SWT1: variants seen among roughly 807,000 people sequenced by gnomAD.
SWT1 encodes the protein transcriptional protein SWT1.
SWT1 carries 33 observed loss-of-function variants against 107.3 expected under a neutral mutation model. The observed-to-expected ratio is 0.31, with a 90% CI of 0.23 to 0.41. The LOEUF (loss-of-function observed/expected upper bound fraction) is 0.41. Ranked by LOEUF, SWT1 falls within the 10% of genes least tolerant of loss-of-function variation. SWT1 has a pLI of 1.00. For missense variants in SWT1, 898 were observed against 1,028.9 expected (o/e 0.87, Z 1.74); for synonymous variants, 345 against 348.3 (o/e 0.99, Z 0.11).
At chr1:185,192,791 G>A (rs1402192639) in intron 10 of SWT1, among the ~76,000 whole-genome samples, 2 of 151,868 alleles carry the variant, frequency 1.3e-5, no homozygotes, top group East Asian at 1.9e-4. Flanking sequence ...GAGATTACAG[G>A]TGAGTGCCAC....
intron 2 of SWT1, among the ~76,000 whole-genome samples, chr1:185,164,160 T>C (rs192794546): frequency 1.6e-4 from 25 of 152,078 alleles, no homozygotes; most frequent in African/African-American, 6.0e-4. Flanking sequence ...AGCAGTAATA[T>C]TTTGAAAGGA....
At chr1:185,286,557 G>A (rs968428912) in intron 18 of SWT1, among the ~76,000 whole-genome samples, 5 of 152,100 alleles carry the variant, frequency 3.3e-5, no homozygotes, top group Non-Finnish European at 5.9e-5. Flanking sequence ...TGATTAAATT[G>A]ATTCCCGAGT....
At chr1:185,180,886 A>G (rs1168381909) in intron 6 of SWT1, among the ~76,000 whole-genome samples, 1 of 152,234 alleles carries the variant, frequency 6.6e-6, no homozygotes, top group Non-Finnish European at 1.5e-5. Flanking sequence ...TTTCCCAACC[A>G]GAGTCCCCTG....
intron 18 of SWT1, among the ~76,000 whole-genome samples, chr1:185,283,264 G>C (rs1664748201): frequency 6.6e-6 from 1 of 152,194 alleles, no homozygotes; most frequent in African/African-American, 2.4e-5. Context: ...GCTTATATCT[G>C]CAATTCAGCT....
At chr1:185,237,251 C>A (rs997522741) in intron 16 of SWT1, among the ~76,000 whole-genome samples, 4 of 152,128 alleles carry the variant, frequency 2.6e-5, no homozygotes, top group Non-Finnish European at 5.9e-5. Context: ...CACATGCACA[C>A]ATATGTTTAT....
intron 10 of SWT1, among the ~76,000 whole-genome samples, chr1:185,198,067 G>A (rs1657549785): frequency 6.6e-6 from 1 of 152,116 alleles, no homozygotes; most frequent in Non-Finnish European, 1.5e-5. Context: ...TTTCTCTTGT[G>A]TGCTTTTAGT....
intron 4 of SWT1, among the ~76,000 whole-genome samples, chr1:185,172,019 GA>G (rs1655117159): frequency 6.6e-6 from 1 of 152,170 alleles, no homozygotes; most frequent in Non-Finnish European, 1.5e-5. Flanking sequence ...AATTATTTGA[GA>G]AGTCACTTGT....
At chr1:185,190,768 A>G (rs1571458292) in intron 10 of SWT1, 126 bp downstream of exon 10, 1 of 570,202 alleles carries the variant, frequency 1.8e-6, no homozygotes, top group East Asian at 2.8e-5. Context: ...GCCAGTAAGC[A>G]TACCCACTTG....
chr1:185,266,241 T>A (rs1434585639), intron 16 of SWT1, among the ~76,000 whole-genome samples: 2 of 152,132 alleles, frequency 1.3e-5, no homozygotes, highest in Non-Finnish European at 2.9e-5. Context: ...TTTTTTTGTA[T>A]TTTTAGTAGA....
intron 16 of SWT1, among the ~76,000 whole-genome samples, chr1:185,235,196 C>G (rs1207406886): frequency 2.0e-5 from 3 of 152,184 alleles, no homozygotes; most frequent in South Asian, 4.1e-4. Context: ...AAGAGGGAAT[C>G]CTCCCTAATG....
In SWT1 at chr1:185,214,605, C is replaced by T; in HGVS notation, c.2071C>T (p.Leu691Phe). The T allele has an allele frequency of 6.2e-7, 1 of 1,612,168 alleles. No individual in the cohort carries two copies. Among genetic ancestry groups the T allele is most frequent in the Non-Finnish European group, 8.5e-7 (1 of 1,179,080 alleles). The change falls in exon 14 of 19, where the codon CTT becomes TTT. Residue 691 changes from leucine (L) to phenylalanine (F), a missense_variant. Physicochemically the swap from Leu to Phe is conservative, Grantham distance 22. This residue lies in a region of SWT1 where 382 missense variants were observed against 460.0 expected (regional missense o/e 0.83). Coordinates refer to ENST00000367500, the MANE Select transcript of SWT1 (RefSeq NM_017673.7). ...FSTRSNYDGI[L>F]PQTFAQVNNL... ...TACAAGGTCAAATTATGATGGTATT[C>T]TTCCACAGACCTTTGCTCAAGTAAA...
Position 185,221,971 on chromosome 1 carries a change from A to G in SWT1, c.2244A>G (p.Gln748=), listed in dbSNP as rs769999032. Residue 748 remains glutamine, a synonymous_variant, in exon 15 of 19, where the codon CAA becomes CAG. Coordinates refer to ENST00000367500, the MANE Select transcript of SWT1 (RefSeq NM_017673.7). The stretch of plus-strand genomic sequence containing the variant: ...TTTTCTCGAGTTCTCATCTTCCCCA[A>G]CCCAGCAGGCATCAAGAAATCTGGT... ...ITVFSSSHLP[Q]PSRHQEIWSI... is the part of the protein sequence containing the mutation. 2.5e-6 allele frequency: 4 copies of G among 1,612,358 alleles called. No homozygotes were observed. The highest frequency in any genetic ancestry group is 3.3e-4 in the Middle Eastern group (2 of 6,074).
At chr1:185,249,011 T>A (rs1661812145) in intron 16 of SWT1, among the ~76,000 whole-genome samples, 1 of 152,178 alleles carries the variant, frequency 6.6e-6, no homozygotes, top group Admixed American at 6.5e-5. Context: ...GGGAGTTGAC[T>A]AGACTCATCT....
intron 5 of SWT1, among the ~76,000 whole-genome samples, chr1:185,179,571 A>G (rs934625607): frequency 3.9e-5 from 6 of 152,166 alleles, no homozygotes; most frequent in African/African-American, 1.4e-4. Context: ...TTTCTTTTTT[A>G]GCCTTATTGT....
intron 16 of SWT1, among the ~76,000 whole-genome samples, chr1:185,255,312 T>G (rs1220866944): frequency 1.3e-5 from 2 of 148,818 alleles, no homozygotes; most frequent in African/African-American, 5.1e-5. Context: ...GGTGCAGAGC[T>G]GAGTTCAATT....
At chr1:185,253,148 G>A (rs1662180020) in intron 16 of SWT1, among the ~76,000 whole-genome samples, 1 of 145,800 alleles carries the variant, frequency 6.9e-6, no homozygotes, top group Non-Finnish European at 1.5e-5. Context: ...CTATATCTCT[G>A]TTTTGGTACC....
intron 10 of SWT1, among the ~76,000 whole-genome samples, chr1:185,199,687 C>A (rs929502827): frequency 1.3e-5 from 2 of 152,184 alleles, no homozygotes; most frequent in Admixed American, 6.5e-5. Flanking sequence ...TTTTTTCCTC[C>A]ATTTCAACCT....
chr1:185,277,862 T>TTA (rs1208027327), intron 18 of SWT1, among the ~76,000 whole-genome samples: 2 of 152,218 alleles, frequency 1.3e-5, no homozygotes, highest in Admixed American at 1.3e-4. Flanking sequence ...ATAAGTTGAT[T>TTA]TATTTTGCTG....
intron 3 of SWT1, among the ~76,000 whole-genome samples, chr1:185,167,215 T>C (rs939838972): frequency 8.5e-5 from 13 of 152,314 alleles, no homozygotes; most frequent in African/African-American, 2.9e-4. Flanking sequence ...AGATACATTG[T>C]TTGCATTTTC....
Sources: gnomAD v4.1 joint callset for allele counts (sites outside exome capture counted in the v4.1 genomes callset) on GRCh38, gnomAD v4.1.1 for gene constraint, gnomAD v4.1.1 regional missense constraint, MANE v1.5 for transcripts, NCBI Gene and HGNC (gene_info 2026-07-23, HGNC 2026-07-21) for gene names.